Variants in PDZRN4 observed in about 807,000 individuals in gnomAD.
The protein encoded by PDZRN4 is PDZ domain-containing RING finger protein 4.
Under a neutral mutation model 99.0 loss-of-function variants are expected in PDZRN4, and 70 were observed. The observed-to-expected ratio is 0.71, with a 90% CI of 0.58 to 0.86. PDZRN4 has a LOEUF of 0.86. PDZRN4 is among the 40% of genes least tolerant of loss of function. PDZRN4 has a pLI of 0.00. For synonymous variants in PDZRN4, 551 were observed against 501.6 expected (o/e 1.10, Z -1.32); for missense variants, 1,474 against 1,331.2 (o/e 1.11, Z -1.67).
chr12:41,326,150 A>ATTTTTGCAT (rs112225105), intron 3 of PDZRN4, among the ~76,000 whole-genome samples: 127,615 of 149,534 alleles, frequency 0.85, 55,643 homozygotes, highest in Non-Finnish European at 0.95. Flanking sequence ...CACTCGGCTA[A>ATTTTTGCAT]TTTTTTTTTT....
chr12:41,364,132 T>C (rs1951981165), intron 3 of PDZRN4, among the ~76,000 whole-genome samples: 1 of 152,138 alleles, frequency 6.6e-6, no homozygotes, highest in African/African-American at 2.4e-5. Context: ...GGTGGCCTTA[T>C]AGTTTCACTC....
chr12:41,191,600 AT>A, intron 2 of PDZRN4, 56 bp downstream of exon 2: 1 of 822,750 alleles, frequency 1.2e-6, no homozygotes, highest in Non-Finnish European at 2.1e-6. Context: ...ATTAATAAGC[AT>A]TACTCATTGC....
intron 3 of PDZRN4, among the ~76,000 whole-genome samples, chr12:41,286,373 T>C (rs1229390177): frequency 6.6e-6 from 1 of 150,658 alleles, no homozygotes; most frequent in African/African-American, 2.4e-5. Flanking sequence ...GTTGTTGTTT[T>C]TGTTGGGAGC....
intron 5 of PDZRN4, among the ~76,000 whole-genome samples, chr12:41,522,623 G>A (rs891819846): frequency 6.6e-6 from 1 of 151,992 alleles, no homozygotes; most frequent in Non-Finnish European, 1.5e-5. Flanking sequence ...TTATATGCAG[G>A]TTCTATTCTT....
chr12:41,384,386 C>T (rs1952150583), intron 3 of PDZRN4, among the ~76,000 whole-genome samples: 1 of 152,100 alleles, frequency 6.6e-6, no homozygotes, highest in African/African-American at 2.4e-5. Flanking sequence ...CCTTTAACAA[C>T]ACTAGATTTA....
At chr12:41,430,046 A>T (rs1952573427) in intron 3 of PDZRN4, among the ~76,000 whole-genome samples, 1 of 152,188 alleles carries the variant, frequency 6.6e-6, no homozygotes, top group Non-Finnish European at 1.5e-5. Flanking sequence ...GGGCTAGATT[A>T]GTAGTCGTGA....
At chr12:41,552,968 C>A (rs1939084590) in intron 6 of PDZRN4, among the ~76,000 whole-genome samples, 1 of 152,090 alleles carries the variant, frequency 6.6e-6, no homozygotes, top group Admixed American at 6.5e-5. Flanking sequence ...TACTTTCACC[C>A]CAGAATCCCA....
At chr12:41,396,019 T>C (rs1952243419) in intron 3 of PDZRN4, among the ~76,000 whole-genome samples, 1 of 152,136 alleles carries the variant, frequency 6.6e-6, no homozygotes, top group Non-Finnish European at 1.5e-5. Context: ...CTTTCACCTC[T>C]GTTTGTTTAC....
chr12:41,542,594 T>A (rs564787430), intron 5 of PDZRN4, among the ~76,000 whole-genome samples: 1 of 152,120 alleles, frequency 6.6e-6, no homozygotes, highest in Non-Finnish European at 1.5e-5. Context: ...CAGACCTCAG[T>A]TCCAGGTCGG....
At chr12:41,378,421 G>C (rs1429711980) in intron 3 of PDZRN4, among the ~76,000 whole-genome samples, 1 of 151,610 alleles carries the variant, frequency 6.6e-6, no homozygotes, top group South Asian at 2.1e-4. Context: ...AGAGATATTG[G>C]CTGGTAATTT....
intron 3 of PDZRN4, among the ~76,000 whole-genome samples, chr12:41,229,881 A>G (rs963659757): frequency 6.6e-5 from 10 of 152,052 alleles, no homozygotes; most frequent in African/African-American, 2.4e-4. Flanking sequence ...GGATGATCCA[A>G]CTGTATATAT....
chr12:41,509,962 G>A (rs774057038), intron 5 of PDZRN4, 49 bp downstream of exon 5: 2 of 862,052 alleles, frequency 2.3e-6, no homozygotes, highest in African/African-American at 1.7e-5. Context: ...AGTTACGGTT[G>A]AGGGGTTTTG....
intron 3 of PDZRN4, among the ~76,000 whole-genome samples, chr12:41,296,852 G>C (rs1316315703): frequency 6.6e-6 from 1 of 152,106 alleles, no homozygotes; most frequent in African/African-American, 2.4e-5. Flanking sequence ...CTAGCTACCA[G>C]GAGGCTGAGG....
chr12:41,272,367 C>A (rs1951319920), intron 3 of PDZRN4, among the ~76,000 whole-genome samples: 1 of 151,942 alleles, frequency 6.6e-6, no homozygotes, highest in Admixed American at 6.6e-5. Context: ...ATAAAATATT[C>A]TTAAATGGAA....
chr12:41,350,230 T>C (rs528284075), intron 3 of PDZRN4, among the ~76,000 whole-genome samples: 1 of 152,182 alleles, frequency 6.6e-6, no homozygotes, highest in East Asian at 1.9e-4. Flanking sequence ...TGTTAGATTA[T>C]CAAGTGTGCT....
intron 3 of PDZRN4, among the ~76,000 whole-genome samples, chr12:41,464,222 T>C (rs1952902910): frequency 6.6e-6 from 1 of 152,058 alleles, no homozygotes; most frequent in African/African-American, 2.4e-5. Context: ...ATGATAAAAC[T>C]GGCTCTCTTC....
intron 5 of PDZRN4, among the ~76,000 whole-genome samples, chr12:41,532,647 T>C (rs1938680389): frequency 1.3e-5 from 2 of 152,176 alleles, no homozygotes; most frequent in Admixed American, 1.3e-4. Flanking sequence ...TTTTCTGCAA[T>C]ATTACATAGT....
chr12:41,229,378 C>T (rs1362958219), intron 3 of PDZRN4, among the ~76,000 whole-genome samples: 1 of 151,924 alleles, frequency 6.6e-6, no homozygotes, highest in Non-Finnish European at 1.5e-5. Flanking sequence ...ATGGCAGGTT[C>T]AAGATCACAA....
intron 3 of PDZRN4, among the ~76,000 whole-genome samples, chr12:41,229,986 A>G (rs1348172220): frequency 6.6e-6 from 1 of 152,088 alleles, no homozygotes. Context: ...GAGCTGGTTC[A>G]TGACCTGATT....
Sources: gnomAD v4.1 joint callset for allele counts (sites outside exome capture counted in the v4.1 genomes callset) on GRCh38, gnomAD v4.1.1 for gene constraint, MANE v1.5 for transcripts, NCBI Gene and HGNC (gene_info 2026-07-23, HGNC 2026-07-21) for gene names.